RCBTB1: variants seen among roughly 807,000 people sequenced by gnomAD.
RCBTB1 encodes the protein RCC1 and BTB domain-containing protein 1.
A neutral mutation model predicts 62.4 loss-of-function variants in RCBTB1; 46 were observed. The ratio of observed to expected loss-of-function variants is 0.74; its 90% CI spans 0.58 to 0.94. The LOEUF (loss-of-function observed/expected upper bound fraction) is 0.94. Ranked by LOEUF, RCBTB1 falls within the 40% of genes least tolerant of loss-of-function variation. The pLI is 0.00. For missense variants in RCBTB1, 565 were observed against 654.9 expected (o/e 0.86, Z 1.50); for synonymous variants, 222 against 245.8 (o/e 0.90, Z 0.91).
intron 2 of RCBTB1, among the ~76,000 whole-genome samples, chr13:49,574,924 T>C (rs1263695171): frequency 1.4e-5 from 2 of 141,968 alleles, no homozygotes; most frequent in African/African-American, 5.4e-5. Context: ...GAAATTCTGA[T>C]ACATACAACA....
At chr13:49,537,855 C>T (rs189433010) in intron 12 of RCBTB1, 2 of 152,326 alleles carry the variant, frequency 1.3e-5, no homozygotes, top group East Asian at 3.9e-4. Flanking sequence ...AAGGGATCCA[C>T]AATCATCAAC....
intron 4 of RCBTB1, among the ~76,000 whole-genome samples, chr13:49,563,355 CAAAAAAAAAAAA>C (rs57586924): frequency 9.6e-5 from 5 of 52,208 alleles, no homozygotes; most frequent in African/African-American, 4.1e-4. Flanking sequence ...GACCCTGCCT[CAAAAAAAAAAAA>C]AAAAAAAAAA....
At chr13:49,551,517 A>C in intron 7 of RCBTB1, 49 bp from the exon 8 acceptor site, 2 of 1,606,064 alleles carry the variant, frequency 1.2e-6, no homozygotes, top group Non-Finnish European at 1.7e-6. Context: ...CAGGAAGGGC[A>C]GGGAGAACAT....
chr13:49,565,893 G>A (rs1339337008), intron 4 of RCBTB1, among the ~76,000 whole-genome samples: 3 of 144,266 alleles, frequency 2.1e-5, no homozygotes, highest in African/African-American at 5.1e-5. Flanking sequence ...AGTAGACATA[G>A]GAGACTCCAT....
intron 10 of RCBTB1, 22 bp from the exon 11 acceptor site, chr13:49,541,849 C>A (rs766643600): frequency 6.0e-5 from 95 of 1,574,468 alleles, no homozygotes; most frequent in Non-Finnish European, 8.1e-5. Context: ...AAGCAAAAGT[C>A]TTATTTGTTC....
At chr13:49,536,977 TAACAA>T (rs1197637961) in intron 12 of RCBTB1, among the ~76,000 whole-genome samples, 3 of 152,340 alleles carry the variant, frequency 2.0e-5, no homozygotes, top group Non-Finnish European at 2.9e-5. Flanking sequence ...TTTTCTTTAG[TAACAA>T]AACAAAACAC....
At chr13:49,559,674 A>T (rs1464318838) in intron 5 of RCBTB1, among the ~76,000 whole-genome samples, 1 of 140,020 alleles carries the variant, frequency 7.1e-6, no homozygotes, top group Non-Finnish European at 1.6e-5. Context: ...AAAAAAAAAG[A>T]AAGTTGTTGT....
intron 9 of RCBTB1, among the ~76,000 whole-genome samples, chr13:49,548,727 T>C (rs945738566): frequency 2.0e-5 from 3 of 151,856 alleles, no homozygotes; most frequent in African/African-American, 7.3e-5. Context: ...CTTCCGCTTA[T>C]ATGAACTCTC....
intron 12 of RCBTB1, among the ~76,000 whole-genome samples, chr13:49,535,011 G>GTGAC (rs57519002): frequency 0.22 from 32,959 of 151,976 alleles, 4,156 homozygotes; most frequent in East Asian, 0.37. Context: ...TCTAGCCTGG[G>GTGAC]TGACAGAGCA....
At chr13:49,556,646 T>C (rs1414099175) in intron 5 of RCBTB1, among the ~76,000 whole-genome samples, 1 of 152,168 alleles carries the variant, frequency 6.6e-6, no homozygotes, top group African/African-American at 2.4e-5. Flanking sequence ...TCCACGTATA[T>C]ACTGAGTGTG....
chr13:49,569,426 A>C (rs1246972838), intron 2 of RCBTB1, among the ~76,000 whole-genome samples: 2 of 152,070 alleles, frequency 1.3e-5, no homozygotes, highest in African/African-American at 2.4e-5. Flanking sequence ...ATACAAAAAA[A>C]AAAGGCCAGG....
chr13:49,545,836 G>A (rs994646767), intron 9 of RCBTB1, among the ~76,000 whole-genome samples: 2 of 152,128 alleles, frequency 1.3e-5, no homozygotes, highest in East Asian at 1.9e-4. Context: ...TGTTACCAGA[G>A]CAACTCCTAG....
At chr13:49,572,039 A>G (rs1396910066) in intron 2 of RCBTB1, among the ~76,000 whole-genome samples, 1 of 152,206 alleles carries the variant, frequency 6.6e-6, no homozygotes. Flanking sequence ...TCAAAAATAC[A>G]GGATCTGCCA....
intron 9 of RCBTB1, chr13:49,546,136 CA>C (rs983899550): frequency 1.0e-6 from 1 of 985,182 alleles, no homozygotes; most frequent in African/African-American, 1.7e-5. Context: ...TTGCTACCCC[CA>C]CCCATCCAAA....
chr13:49,583,704 G>A (rs1335812006), intron 1 of RCBTB1, among the ~76,000 whole-genome samples: 6 of 151,948 alleles, frequency 3.9e-5, no homozygotes, highest in Admixed American at 6.6e-5. Flanking sequence ...ACACCACCAC[G>A]CCCAGCTAAT....
intron 6 of RCBTB1, among the ~76,000 whole-genome samples, chr13:49,554,709 C>T (rs1303784703): frequency 6.6e-6 from 1 of 152,164 alleles, no homozygotes; most frequent in Non-Finnish European, 1.5e-5. Context: ...AGGCTGTGCG[C>T]TCCATATGAG....
chr13:49,548,263 G>A (rs372239944), intron 9 of RCBTB1, among the ~76,000 whole-genome samples: 15 of 151,820 alleles, frequency 9.9e-5, no homozygotes, highest in African/African-American at 3.4e-4. Context: ...ATGGTGGCAC[G>A]CGCCTGTAAT....
chr13:49,565,210 T>A (rs1962832497), intron 4 of RCBTB1, among the ~76,000 whole-genome samples: 1 of 152,116 alleles, frequency 6.6e-6, no homozygotes, highest in Non-Finnish European at 1.5e-5. Flanking sequence ...GGAGACGGGG[T>A]TTCGCTGTGT....
chr13:49,540,726 C>A (rs1960277301), intron 12 of RCBTB1, 150 bp downstream of exon 12: 1 of 757,402 alleles, frequency 1.3e-6, no homozygotes. Flanking sequence ...AATTAAGAAG[C>A]AAGGGCAGAT....
Sources: gnomAD v4.1 joint callset for allele counts (sites outside exome capture counted in the v4.1 genomes callset) on GRCh38, gnomAD v4.1.1 for gene constraint, MANE v1.5 for transcripts, NCBI Gene and HGNC (gene_info 2026-07-23, HGNC 2026-07-21) for gene names.